Variants in PDE4D observed in about 807,000 individuals in gnomAD.
PDE4D encodes the protein 3',5'-cyclic-AMP phosphodiesterase 4D.
A neutral mutation model predicts 87.4 loss-of-function variants in PDE4D; 24 were observed. The ratio of observed to expected loss-of-function variants is 0.27; its 90% CI spans 0.20 to 0.39. PDE4D has a LOEUF of 0.39. PDE4D is among the 10% of genes least tolerant of loss of function. The probability of loss-of-function intolerance (pLI) is 1.00; values close to 1 mark genes in which losing one functional copy is unlikely to be tolerated. For missense variants in PDE4D, 714 were observed against 1,041.0 expected (o/e 0.69, Z 4.32); for synonymous variants, 384 against 383.2 (o/e 1.00, Z -0.02).
chr5:60,287,429 G>GT (rs766242782), intron 1 of PDE4D, among the ~76,000 whole-genome samples: 45 of 152,298 alleles, frequency 3.0e-4, no homozygotes, highest in Non-Finnish European at 4.4e-4. Context: ...GTAAGTACGT[G>GT]TTTCCTCTAC....
Position 58,969,498 on chromosome 5 carries a change from C to T in PDE4D, c.*5166G>A, listed in dbSNP as rs1468065908. The T allele has an allele frequency of 1.3e-5, 2 of 152,214 alleles. No individual in the cohort carries two copies. The highest frequency in any genetic ancestry group is 3.8e-4 in the East Asian group (2 of 5,200). 9.4% of individuals were successfully genotyped at this position (152,214 alleles called of 1,614,324 possible). On this transcript the variant is annotated 3_prime_UTR_variant, in exon 15 of 15. Coordinates refer to ENST00000340635, the MANE Select transcript of PDE4D (RefSeq NM_001104631.2). ...CTGTCAACTTTTTCCCTAGTTACCT[C>T]TTACAATCCTTCAGAACTCAGATGC... is the stretch of plus-strand genomic sequence containing the variant.
At chr5:60,452,070 G>C (rs542219788) in intron 1 of PDE4D, among the ~76,000 whole-genome samples, 1 of 152,164 alleles carries the variant, frequency 6.6e-6, no homozygotes, top group African/African-American at 2.4e-5. Context: ...AAAAATTCAT[G>C]TTTCTTATTC....
intron 5 of PDE4D, among the ~76,000 whole-genome samples, chr5:59,154,948 G>A (rs76864864): frequency 2.0e-5 from 3 of 152,212 alleles, no homozygotes; most frequent in East Asian, 1.9e-4. Flanking sequence ...TATAAGTTTC[G>A]ATCTTGGCTA....
intron 2 of PDE4D, among the ~76,000 whole-genome samples, chr5:60,067,405 T>G (rs1228495875): frequency 1.3e-5 from 2 of 152,088 alleles, no homozygotes; most frequent in Non-Finnish European, 2.9e-5. Flanking sequence ...AGTTTCCCTT[T>G]AATTTCCTTA....
chr5:59,920,370 A>G (rs1754531488), intron 3 of PDE4D, among the ~76,000 whole-genome samples: 2 of 152,214 alleles, frequency 1.3e-5, no homozygotes, highest in South Asian at 4.1e-4. Flanking sequence ...TTGTTCTAAT[A>G]TATTATTCTA....
intron 2 of PDE4D, among the ~76,000 whole-genome samples, chr5:60,148,556 T>G (rs992183269): frequency 6.6e-6 from 1 of 152,160 alleles, no homozygotes; most frequent in African/African-American, 2.4e-5. Context: ...CCCTACAGAT[T>G]CCAAGGGATG....
chr5:59,509,773 A>G (rs964751919), intron 1 of PDE4D, among the ~76,000 whole-genome samples: 9 of 149,786 alleles, frequency 6.0e-5, no homozygotes, highest in African/African-American at 1.9e-4. Context: ...GAAAACAAAC[A>G]TTAGAAAGCA....
intron 1 of PDE4D, among the ~76,000 whole-genome samples, chr5:59,626,691 TA>T (rs929784770): frequency 2.6e-5 from 4 of 152,210 alleles, no homozygotes; most frequent in Admixed American, 2.6e-4. Flanking sequence ...AAAAAAATCA[TA>T]TTAACATCCA....
chr5:60,376,378 C>A (rs1020082203), intron 1 of PDE4D, among the ~76,000 whole-genome samples: 6 of 152,060 alleles, frequency 3.9e-5, no homozygotes, highest in Non-Finnish European at 8.8e-5. Flanking sequence ...ACAGGTAAGA[C>A]TAAGCCCAAA....
chr5:59,517,313 G>A (rs1180515201), intron 1 of PDE4D, among the ~76,000 whole-genome samples: 3 of 152,042 alleles, frequency 2.0e-5, no homozygotes, highest in Non-Finnish European at 4.4e-5. Flanking sequence ...TTTTGTAAAC[G>A]AAGTATTAGA....
chr5:59,571,017 C>T (rs1821750380), intron 1 of PDE4D, among the ~76,000 whole-genome samples: 1 of 152,150 alleles, frequency 6.6e-6, no homozygotes, highest in Admixed American at 6.5e-5. Flanking sequence ...CAACAAATAA[C>T]TACCGTTTCC....
chr5:58,992,131 C>A, intron 7 of PDE4D, 127 bp from the exon 8 acceptor site: 1 of 584,904 alleles, frequency 1.7e-6, no homozygotes, highest in East Asian at 3.4e-5. Flanking sequence ...AAAAAGTTTC[C>A]TTTTAGAGAG....
intron 1 of PDE4D, among the ~76,000 whole-genome samples, chr5:60,253,186 C>T (rs1047301786): frequency 5.3e-5 from 8 of 151,890 alleles, no homozygotes; most frequent in African/African-American, 1.7e-4. Context: ...CTGCAGGTTT[C>T]AACCATTTAA....
chr5:59,807,578 C>T (rs970729029), intron 1 of PDE4D, among the ~76,000 whole-genome samples: 1 of 152,168 alleles, frequency 6.6e-6, no homozygotes, highest in Non-Finnish European at 1.5e-5. Context: ...GTGGCCCTTT[C>T]CCTCAACACT....
intron 5 of PDE4D, among the ~76,000 whole-genome samples, chr5:59,130,733 C>G (rs1776144930): frequency 6.6e-6 from 1 of 152,202 alleles, no homozygotes. Flanking sequence ...TCCCAGAGCA[C>G]TGGAGAAAAA....
intron 1 of PDE4D, among the ~76,000 whole-genome samples, chr5:59,621,833 C>A (rs1324634471): frequency 6.6e-6 from 1 of 152,108 alleles, no homozygotes; most frequent in African/African-American, 2.4e-5. Flanking sequence ...TTAGTCTGTG[C>A]AAGAATGAAA....
In PDE4D at chr5:60,052,091, A is replaced by G. The variant is rs1340535908; in HGVS notation, c.43-63374T>C. Reference sequence around the variant, plus strand: ...AAGGCCCAGGACCAGACAGATTCACAACTGAATTCTACCAGAGGTACAAAG... The same window carrying G: ...AAGGCCCAGGACCAGACAGATTCACGACTGAATTCTACCAGAGGTACAAAG... On this transcript the variant is annotated intron_variant, in intron 2 of 16. Transcript: ENST00000502484. Among the ~76,000 whole-genome samples, 3 of 152,322 alleles carry G rather than the reference A, an allele frequency of 2.0e-5. No individual in the cohort carries two copies. In the East Asian group the frequency reaches 5.8e-4, roughly 29 times the overall value.
intron 2 of PDE4D, among the ~76,000 whole-genome samples, chr5:60,054,382 G>C (rs1311869134): frequency 1.3e-5 from 2 of 152,118 alleles, no homozygotes; most frequent in African/African-American, 4.8e-5. Context: ...TCCTTTGCAG[G>C]GACATGGATG....
At chr5:60,319,233 T>C (rs755909748) in intron 1 of PDE4D, among the ~76,000 whole-genome samples, 1 of 152,226 alleles carries the variant, frequency 6.6e-6, no homozygotes, top group Non-Finnish European at 1.5e-5. Context: ...ATTTCATTCA[T>C]TTGATCTTCC....
Sources: gnomAD v4.1 joint callset for allele counts (sites outside exome capture counted in the v4.1 genomes callset) on GRCh38, gnomAD v4.1.1 for gene constraint, MANE v1.5 for transcripts, NCBI Gene and HGNC (gene_info 2026-07-23, HGNC 2026-07-21) for gene names.